Variants in CCDC148 observed in about 807,000 individuals in gnomAD.
CCDC148 encodes the protein coiled-coil domain-containing protein 148.
In CCDC148, 89 loss-of-function variants were observed where a neutral mutation model predicts 85.7. The ratio of observed to expected loss-of-function variants is 1.04; its 90% confidence interval spans 0.87 to 1.24. CCDC148 has a LOEUF of 1.24. CCDC148 is among the 50% of genes most tolerant of loss of function. The probability of loss-of-function intolerance (pLI) is 0.00; values close to 1 mark genes in which losing one functional copy is unlikely to be tolerated. For missense variants in CCDC148, 692 were observed against 671.7 expected, an observed-to-expected ratio of 1.03 and a Z score of -0.33; for synonymous variants, 230 against 213.9, an observed-to-expected ratio of 1.08 and a Z score of -0.66.
intron 11 of CCDC148, among the ~76,000 whole-genome samples, chr2:158,179,404 G>A (rs1024852446): frequency 6.6e-6 from 1 of 151,904 alleles, no homozygotes; most frequent in Non-Finnish European, 1.5e-5. Flanking sequence ...TGATCCGCCT[G>A]CCTTGGCCAC....
chr2:158,194,845 C>T (rs1685589307), intron 11 of CCDC148, among the ~76,000 whole-genome samples: 1 of 150,496 alleles, frequency 6.6e-6, no homozygotes, highest in Admixed American at 6.7e-5. Flanking sequence ...TGCTTGAACT[C>T]CTCTGACTAT....
chr2:158,335,581 G>C (rs1025223930), intron 7 of CCDC148, among the ~76,000 whole-genome samples: 4 of 152,156 alleles, frequency 2.6e-5, no homozygotes, highest in Admixed American at 6.6e-5. Flanking sequence ...GCAGGCAAGA[G>C]AGCTTGTGGT....
intron 2 of CCDC148, among the ~76,000 whole-genome samples, chr2:158,352,452 G>A (rs11891486): frequency 0.18 from 27,148 of 152,082 alleles, 4,004 homozygotes; most frequent in African/African-American, 0.41. Context: ...GAGCCAATGC[G>A]ATCAGCTGGA....
Position 158,374,937 on chromosome 2 carries a change from G to A in CCDC148, c.26-16367C>T, listed in dbSNP as rs72997378. On this transcript the variant is annotated intron_variant, in intron 1 of 13. Transcript: ENST00000283233. ...ACTTATTTATAATACCTAATACAAG[G>A]TAAATTCTAAATAAATAGTTATGCT... Among the ~76,000 whole-genome samples, 720 of 151,868 alleles carry A rather than the reference G, an allele frequency of 4.7e-3. 4 individuals carry two copies. Among genetic ancestry groups the A allele is most frequent in the African/African-American group, 0.016 (671 of 41,426 alleles).
chr2:158,253,962 A>T lies in CCDC148; in HGVS notation c.1111-3050T>A, dbSNP rs2105145011. Among the ~76,000 whole-genome samples, 4 of 151,768 alleles carry T rather than the reference A, an allele frequency of 2.6e-5. No homozygotes were observed. The South Asian group carries it at 8.3e-4, about 32-fold the overall frequency. ...TGAATCTGATCAAAGCTCTAGACCT[A>T]CCTATCAGGTTACAGGAAATTCAGC... On this transcript the variant is annotated intron_variant, in intron 9 of 13. Coordinates refer to ENST00000283233, the MANE Select transcript of CCDC148 (RefSeq NM_138803.4).
chr2:158,337,385 C>G (rs912965824), intron 7 of CCDC148, among the ~76,000 whole-genome samples: 2 of 152,156 alleles, frequency 1.3e-5, no homozygotes, highest in African/African-American at 4.8e-5. Flanking sequence ...ACAAAAAATC[C>G]TCTTCCTCTT....
intron 1 of CCDC148, among the ~76,000 whole-genome samples, chr2:158,427,730 T>C (rs902217441): frequency 6.6e-6 from 1 of 151,842 alleles, no homozygotes; most frequent in South Asian, 2.1e-4. Flanking sequence ...ATTAGGTGGG[T>C]GTGGTAGCAC....
intron 11 of CCDC148, among the ~76,000 whole-genome samples, chr2:158,217,387 T>TAGATATATATATAG (rs1686936081): frequency 1.1e-5 from 1 of 93,188 alleles, no homozygotes; most frequent in African/African-American, 3.5e-5. Flanking sequence ...TATATATATA[T>TAGATATATATATAG]ATATATACAC....
At chr2:158,312,587 A>G (rs1241491584) in intron 8 of CCDC148, among the ~76,000 whole-genome samples, 2 of 151,080 alleles carry the variant, frequency 1.3e-5, no homozygotes, top group African/African-American at 4.9e-5. Flanking sequence ...TCAAAAAAAA[A>G]AAAAAAAAAA....
chr2:158,225,131 A>C (rs1687433108), intron 10 of CCDC148, among the ~76,000 whole-genome samples: 1 of 152,214 alleles, frequency 6.6e-6, no homozygotes, highest in African/African-American at 2.4e-5. Context: ...AAAGGAAAAC[A>C]AAAAACAGGC....
chr2:158,352,419 C>T (rs889215489), intron 2 of CCDC148, among the ~76,000 whole-genome samples: 9 of 151,998 alleles, frequency 5.9e-5, no homozygotes, highest in Non-Finnish European at 8.8e-5. Context: ...TCGAGAACTA[C>T]GTGAAGAATG....
At chr2:158,380,500 A>T (rs1461450009) in intron 1 of CCDC148, among the ~76,000 whole-genome samples, 1 of 152,156 alleles carries the variant, frequency 6.6e-6, no homozygotes, top group East Asian at 1.9e-4. Flanking sequence ...ACCCTCAGCA[A>T]ATTACTTAAA....
chr2:158,310,910 G>A (rs1691969308), intron 8 of CCDC148, among the ~76,000 whole-genome samples: 2 of 146,382 alleles, frequency 1.4e-5, no homozygotes, highest in East Asian at 4.2e-4. Flanking sequence ...TCACATCCCA[G>A]ACGATGGGCG....
At chr2:158,440,037 A>G (rs1030108459) in intron 1 of CCDC148, among the ~76,000 whole-genome samples, 2 of 149,990 alleles carry the variant, frequency 1.3e-5, no homozygotes, top group African/African-American at 4.9e-5. Flanking sequence ...TTTTTTTTTT[A>G]CTATTACTTT....
chr2:158,364,426 G>GT (rs1684109653), intron 1 of CCDC148, among the ~76,000 whole-genome samples: 1 of 152,176 alleles, frequency 6.6e-6, no homozygotes, highest in Non-Finnish European at 1.5e-5. Context: ...AAAGGCTACA[G>GT]TAACCAAAAC....
At chr2:158,226,436 T>A (rs1687529913) in intron 10 of CCDC148, among the ~76,000 whole-genome samples, 1 of 152,102 alleles carries the variant, frequency 6.6e-6, no homozygotes, top group African/African-American at 2.4e-5. Flanking sequence ...AAAGAGGGAA[T>A]CCTCCCTAAC....
At chr2:158,242,692 C>T (rs1688401927) in intron 10 of CCDC148, among the ~76,000 whole-genome samples, 1 of 148,338 alleles carries the variant, frequency 6.7e-6, no homozygotes. Flanking sequence ...CTGGTAAATA[C>T]ATCCTCTTAG....
Position 158,340,584 on chromosome 2 carries a change from CA to C in CCDC148, c.334+13del. ...TAAAACTCCCCTTTAAATATAGGAT[CA>C]AAAAAATCTTACCAAAATTTGTAAG... On this transcript the variant is annotated intron_variant, in intron 4 of 13. Transcript: ENST00000283233. The C allele has an allele frequency of 5.1e-6, 8 of 1,557,020 alleles. No homozygotes were observed. The highest frequency in any genetic ancestry group is 1.8e-5 in the Admixed American group (1 of 54,294).
intron 1 of CCDC148, among the ~76,000 whole-genome samples, chr2:158,414,494 G>A (rs1022166120): frequency 2.6e-5 from 4 of 152,016 alleles, no homozygotes; most frequent in Non-Finnish European, 5.9e-5. Flanking sequence ...ATCACCACAA[G>A]AATAATGTGT....
Sources: gnomAD v4.1 joint callset for allele counts (sites outside exome capture counted in the v4.1 genomes callset) on GRCh38, gnomAD v4.1.1 for gene constraint, MANE v1.5 for transcripts, NCBI Gene and HGNC (gene_info 2026-07-23, HGNC 2026-07-21) for gene names.